The following PIK3C2G variants were observed in gnomAD, a reference collection of about 807,000 sequenced individuals.
PIK3C2G encodes the protein phosphatidylinositol-4-phosphate 3-kinase catalytic subunit type 2 gamma, also known as phosphatidylinositol 3-kinase C2 domain-containing subunit gamma.
Under a neutral mutation model 181.1 loss-of-function variants are expected in PIK3C2G, and 168 were observed. That is an observed-to-expected ratio of 0.93 (90% CI 0.82 to 1.05). The LOEUF is 1.05. Among genes scored for constraint, PIK3C2G ranks in the 50% least tolerant of loss-of-function variants. The pLI is 0.00. For synonymous variants in PIK3C2G, 573 were observed against 592.2 expected, an observed-to-expected ratio of 0.97 and a Z score of 0.47; for missense variants, 1,869 against 1,732.8, an observed-to-expected ratio of 1.08 and a Z score of -1.40.
chr12:18,650,664 ATGTGTGTGTGTGTGTG>A (rs1159499235), downstream of PIK3C2G, among the ~76,000 whole-genome samples: 26 of 35,602 alleles, frequency 7.3e-4, no homozygotes, highest in East Asian at 3.8e-3. Flanking sequence ...TGGAATATAA[ATGTGTGTGTGTGTGTG>A]TGTGTGTGTG....
At chr12:18,613,411 T>C (rs940820059) in intron 31 of PIK3C2G, among the ~76,000 whole-genome samples, 1 of 152,082 alleles carries the variant, frequency 6.6e-6, no homozygotes, top group Non-Finnish European at 1.5e-5. Flanking sequence ...GGAAAAGTAG[T>C]TTCTATATGA....
At chr12:18,607,327 G>C in intron 30 of PIK3C2G, 1 of 350,722 alleles carries the variant, frequency 2.9e-6, no homozygotes, top group East Asian at 7.7e-5. Flanking sequence ...AATCAAAACA[G>C]CATGGTACTG....
At chr12:18,615,367 G>GTGTGTA (rs1163460591) in intron 31 of PIK3C2G, among the ~76,000 whole-genome samples, 18 of 88,504 alleles carry the variant, frequency 2.0e-4, no homozygotes, top group African/African-American at 7.0e-4. Flanking sequence ...GTGTGTGTGT[G>GTGTGTA]TGTATGTGTA....
At chr12:18,547,669 A>AAAACAAAACAAAACAAAACAAAAC (rs1565495961) in intron 26 of PIK3C2G, among the ~76,000 whole-genome samples, 68 of 112,212 alleles carry the variant, frequency 6.1e-4, no homozygotes, top group African/African-American at 2.3e-3. Context: ...CAAAACAAAA[A>AAAACAAAACAAAACAAAACAAAAC]AAACCCTGCC....
At chr12:18,464,595 T>C (rs985267224) in intron 18 of PIK3C2G, among the ~76,000 whole-genome samples, 2 of 152,088 alleles carry the variant, frequency 1.3e-5, no homozygotes, top group Non-Finnish European at 2.9e-5. Context: ...GAAATGACTT[T>C]AATTATTCCA....
Position 18,288,001 on chromosome 12 carries a change from A to T in PIK3C2G, c.761+1072A>T, listed in dbSNP as rs531387094. Reference sequence around the variant, plus strand: ...ACGTGGTGAAACCTCGTCTCTACTAAACATACAAAAATTAGCCAGGTATGT... The same window carrying T: ...ACGTGGTGAAACCTCGTCTCTACTATACATACAAAAATTAGCCAGGTATGT... On this transcript the variant is annotated intron_variant, in intron 3 of 32. Transcript: ENST00000538779. Among the ~76,000 whole-genome samples the T allele has an allele frequency of 3.9e-5, 6 of 152,162 alleles. No individual in the cohort carries two copies. The South Asian group carries it at 1.2e-3, about 32-fold the overall frequency.
chr12:18,495,759 CT>C (rs1371797636), intron 20 of PIK3C2G, among the ~76,000 whole-genome samples: 1 of 152,072 alleles, frequency 6.6e-6, no homozygotes, highest in Non-Finnish European at 1.5e-5. Flanking sequence ...TCATACACTG[CT>C]TAGTTCATTT....
chr12:18,529,516 G>A lies in PIK3C2G; in HGVS notation c.3324-8640G>A, dbSNP rs1196415312. On this transcript the variant is annotated intron_variant, in intron 24 of 32. Coordinates refer to ENST00000538779, the MANE Select transcript of PIK3C2G (RefSeq NM_001288772.2). ...AGCAACCCAGTGGTATTATCTAGAC[G>A]CATAATTCACATTTGAGGAAACTGC... 8.5e-5 allele frequency among the ~76,000 whole-genome samples: 13 copies of A among 152,246 alleles called. No individual in the cohort carries two copies. In the East Asian group the frequency reaches 1.5e-3, roughly 18 times the overall value.
chr12:18,515,354 G>A (rs1357223696), intron 24 of PIK3C2G, among the ~76,000 whole-genome samples: 1 of 151,846 alleles, frequency 6.6e-6, no homozygotes, highest in African/African-American at 2.4e-5. Context: ...CAGGCTCTGG[G>A]CTTTTCTTTG....
Position 18,433,820 on chromosome 12 carries a change from C to T in PIK3C2G, c.2504+9781C>T, listed in dbSNP as rs149650730. On this transcript the variant is annotated intron_variant, in intron 18 of 32. Coordinates refer to ENST00000538779, the MANE Select transcript of PIK3C2G (RefSeq NM_001288772.2). ...GAACATGACAATAATAAAATGTAGG[C>T]AAATGAGTGTTTGGTTTCCTTCCAA... Among the ~76,000 whole-genome samples, 28 of 152,180 alleles carry T rather than the reference C, an allele frequency of 1.8e-4. 1 individual carries two copies. Among genetic ancestry groups the T allele is most frequent in the African/African-American group, 6.3e-4 (26 of 41,556 alleles).
At chr12:18,712,370 A>G in the PIK3C2G span, among the ~76,000 whole-genome samples, 2 of 152,178 alleles carry the variant, frequency 1.3e-5, no homozygotes, top group Non-Finnish European at 2.9e-5. Context: ...TAAATTAAAC[A>G]TTTTTGAATC....
intron 30 of PIK3C2G, among the ~76,000 whole-genome samples, chr12:18,603,605 T>G (rs1017410567): frequency 2.6e-5 from 4 of 152,126 alleles, no homozygotes; most frequent in African/African-American, 9.7e-5. Flanking sequence ...GAAAGAATCT[T>G]AAGACCTGTG....
At chr12:18,294,725 G>A (rs779839924) in intron 5 of PIK3C2G, among the ~76,000 whole-genome samples, 22 of 151,940 alleles carry the variant, frequency 1.4e-4, no homozygotes, top group Non-Finnish European at 2.7e-4. Context: ...TGCTGGTATT[G>A]CATAGTTATT....
At chr12:18,309,684 G>A (rs1950561055) in intron 5 of PIK3C2G, among the ~76,000 whole-genome samples, 1 of 151,686 alleles carries the variant, frequency 6.6e-6, no homozygotes. Context: ...ATGTATTTAA[G>A]GATTTAGATT....
the PIK3C2G span, among the ~76,000 whole-genome samples, chr12:18,724,159 T>C: frequency 1.8e-3 from 271 of 152,144 alleles, 1 homozygote; most frequent in African/African-American, 6.0e-3. Flanking sequence ...AAATAGAAGA[T>C]TGGTTTGATT....
At chr12:18,719,647 T>G in the PIK3C2G span, 1 of 1,532,914 alleles carries the variant, frequency 6.5e-7, no homozygotes, top group Non-Finnish European at 8.9e-7. Flanking sequence ...AAAAATAAAA[T>G]AAAATAAGTT....
chr12:18,635,192 C>A (rs1034270270), intron 31 of PIK3C2G, among the ~76,000 whole-genome samples: 1 of 152,190 alleles, frequency 6.6e-6, no homozygotes, highest in African/African-American at 2.4e-5. Context: ...ATCCGTAAAC[C>A]AGGCCTCATC....
the PIK3C2G span, chr12:18,701,888 T>C: frequency 2.8e-6 from 4 of 1,442,448 alleles, no homozygotes; most frequent in East Asian, 2.5e-5. Context: ...TAATAAGATA[T>C]GTAAGAACTC....
intron 18 of PIK3C2G, among the ~76,000 whole-genome samples, chr12:18,461,219 C>T (rs143313244): frequency 7.9e-5 from 12 of 152,202 alleles, no homozygotes; most frequent in Non-Finnish European, 1.0e-4. Flanking sequence ...ATTTTCATAA[C>T]GTCATTTTTG....
Sources: gnomAD v4.1 joint callset for allele counts (sites outside exome capture counted in the v4.1 genomes callset) on GRCh38, gnomAD v4.1.1 for gene constraint, MANE v1.5 for transcripts, NCBI Gene and HGNC (gene_info 2026-07-23, HGNC 2026-07-21) for gene names.